The following MAP3K7CL variants were observed in gnomAD, a reference collection of about 807,000 sequenced individuals.
MAP3K7CL encodes MAP3K7 C-terminal-like protein.
A neutral mutation model predicts 18.6 loss-of-function variants in MAP3K7CL; 16 were observed. That is an observed-to-expected ratio of 0.86 (90% CI 0.58 to 1.31). The LOEUF is 1.31. Ranked by LOEUF, MAP3K7CL falls within the 50% of genes most tolerant of loss-of-function variation. The pLI is 0.00. For missense variants in MAP3K7CL, 163 were observed against 174.4 expected (o/e 0.93, Z 0.37); for synonymous variants, 65 against 66.8 (o/e 0.97, Z 0.13).
intron 1 of MAP3K7CL, 200 bp downstream of exon 1, chr21:29,131,123 T>G (rs1206017913): frequency 6.4e-6 from 1 of 156,998 alleles, no homozygotes; most frequent in Non-Finnish European, 1.4e-5. Flanking sequence ...GCCACCATCC[T>G]TTCATAGGCA....
chr21:29,086,451 G>A (rs888212028), intron 1 of MAP3K7CL, among the ~76,000 whole-genome samples: 24 of 152,144 alleles, frequency 1.6e-4, no homozygotes, highest in African/African-American at 3.4e-4. Flanking sequence ...CAGAAAGTCC[G>A]CTTACCTGAT....
At chr21:29,149,795 G>A (rs1209476557) in intron 3 of MAP3K7CL, among the ~76,000 whole-genome samples, 2 of 152,166 alleles carry the variant, frequency 1.3e-5, no homozygotes, top group African/African-American at 2.4e-5. Flanking sequence ...GTGATCTGTT[G>A]AAAGATATTT....
intron 2 of MAP3K7CL, among the ~76,000 whole-genome samples, chr21:29,139,555 A>G (rs2086957986): frequency 6.6e-6 from 1 of 152,112 alleles, no homozygotes; most frequent in Admixed American, 6.6e-5. Flanking sequence ...GCACTAAGCT[A>G]TAAATGAATA....
At chr21:29,171,883 T>G (rs188366630) in intron 4 of MAP3K7CL, among the ~76,000 whole-genome samples, 170 of 151,662 alleles carry the variant, frequency 1.1e-3, no homozygotes, top group Middle Eastern at 3.4e-3. Context: ...CTTTCCCCAG[T>G]TGTGCCTTAT....
chr21:29,156,455 G>A (rs539987290), intron 3 of MAP3K7CL, among the ~76,000 whole-genome samples: 7 of 152,276 alleles, frequency 4.6e-5, no homozygotes, highest in South Asian at 2.1e-4. Flanking sequence ...TTACTTAAGC[G>A]TACTGACACT....
At chr21:29,090,336 G>A (rs917428779) in intron 1 of MAP3K7CL, among the ~76,000 whole-genome samples, 5 of 151,956 alleles carry the variant, frequency 3.3e-5, no homozygotes, top group African/African-American at 4.8e-5. Context: ...AATGAAATAC[G>A]TAAAAGGCGT....
chr21:29,110,304 T>A (rs2086397221), intron 4 of MAP3K7CL, among the ~76,000 whole-genome samples: 1 of 152,198 alleles, frequency 6.6e-6, no homozygotes, highest in Non-Finnish European at 1.5e-5. Context: ...TTGAGGTACG[T>A]CTACTTTTTC....
At chr21:29,092,593 G>C in intron 4 of MAP3K7CL, 1 of 1,612,450 alleles carries the variant, frequency 6.2e-7, no homozygotes, top group Non-Finnish European at 8.5e-7. Context: ...TGAGTATTCC[G>C]TCCACTTTCT....
chr21:29,119,618 G>A (rs4817271), intron 4 of MAP3K7CL, among the ~76,000 whole-genome samples: 34,631 of 151,218 alleles, frequency 0.23, 4,598 homozygotes, highest in East Asian at 0.4. Context: ...TTTGAAAAAC[G>A]TGCATGGGAT....
At position 29,123,907 on chromosome 21, in the gene MAP3K7CL, G is replaced by A. The variant is rs551183410; in HGVS notation, c.371-25282G>A. Reference sequence around the variant, plus strand: ...AAATCTATCTATACTATAATAACAAGCTTTAAAATTTGGTGCTGTTAGTCC... The same window carrying A: ...AAATCTATCTATACTATAATAACAAACTTTAAAATTTGGTGCTGTTAGTCC... On this transcript the variant is annotated intron_variant, in intron 4 of 6. Coordinates refer to the MAP3K7CL transcript ENST00000286791. 3.9e-5 allele frequency among the ~76,000 whole-genome samples: 6 copies of A among 152,180 alleles called. No homozygotes were observed. In the East Asian group the frequency reaches 1.2e-3, roughly 29 times the overall value.
At chr21:29,114,923 G>A (rs189753861) in intron 4 of MAP3K7CL, among the ~76,000 whole-genome samples, 1 of 152,316 alleles carries the variant, frequency 6.6e-6, no homozygotes, top group Non-Finnish European at 1.5e-5. Flanking sequence ...GGAGCCACAG[G>A]AGGCCAGATG....
At chr21:29,083,081 C>T (rs2085863457), upstream of MAP3K7CL, among the ~76,000 whole-genome samples, 1 of 152,104 alleles carries the variant, frequency 6.6e-6, no homozygotes, top group African/African-American at 2.4e-5. Context: ...GAAATGAATT[C>T]AGAAATATTT....
At chr21:29,096,225 C>T (rs910345189) in intron 4 of MAP3K7CL, among the ~76,000 whole-genome samples, 7 of 152,116 alleles carry the variant, frequency 4.6e-5, no homozygotes, top group African/African-American at 1.7e-4. Context: ...ATAGAAAACA[C>T]CATTCGTTTA....
chr21:29,160,322 CTA>C (rs2087516016), intron 4 of MAP3K7CL, among the ~76,000 whole-genome samples: 1 of 152,204 alleles, frequency 6.6e-6, no homozygotes. Flanking sequence ...CAAAACCACA[CTA>C]TGTTTTCCGT....
intron 4 of MAP3K7CL, chr21:29,109,820 A>G: frequency 2.0e-6 from 2 of 981,626 alleles, no homozygotes; most frequent in Non-Finnish European, 2.4e-6. Context: ...CTTCTTATAT[A>G]TATACATAGT....
chr21:29,087,761 T>C lies in MAP3K7CL; in HGVS notation c.57+1844T>C, dbSNP rs559580078. On this transcript the variant is annotated intron_variant, in intron 1 of 6. Transcript: ENST00000286791. ...GGCTCCCACCACCACGACCGGCTAA[T>C]TTTTTGTATTTTTAGTAGAGACGGG... Among the ~76,000 whole-genome samples, 6 of 151,962 alleles carry C rather than the reference T, an allele frequency of 3.9e-5. No homozygotes were observed. In the South Asian group the frequency reaches 1.2e-3, roughly 32 times the overall value.
chr21:29,141,029 A>T (rs181275496), intron 2 of MAP3K7CL, among the ~76,000 whole-genome samples: 45 of 152,282 alleles, frequency 3.0e-4, no homozygotes, highest in Admixed American at 1.4e-3. Context: ...CACTCACGTC[A>T]GCCTCCCAAA....
At chr21:29,149,132 A>G in intron 2 of MAP3K7CL, 57 bp from the exon 3 acceptor site, 1 of 1,408,484 alleles carries the variant, frequency 7.1e-7, no homozygotes, top group Non-Finnish European at 1.0e-6. Context: ...GGGGAGTCCA[A>G]GGACTCCTAC....
chr21:29,094,843 G>T (rs1368053115), intron 4 of MAP3K7CL, among the ~76,000 whole-genome samples: 1 of 152,110 alleles, frequency 6.6e-6, no homozygotes, highest in Non-Finnish European at 1.5e-5. Flanking sequence ...CATTGCTTGA[G>T]CCCAGGAGTT....
Sources: allele counts gnomAD v4.1 joint callset (sites outside exome capture counted in the v4.1 genomes callset), GRCh38; gene constraint gnomAD v4.1.1; transcripts MANE v1.5; gene names NCBI Gene and HGNC (gene_info 2026-07-23, HGNC 2026-07-21).